ANXA10: variants seen among roughly 807,000 people sequenced by gnomAD.
ANXA10 encodes annexin A10.
In ANXA10, 49 loss-of-function variants were observed where a neutral mutation model predicts 53.5. That is an observed-to-expected ratio of 0.92 (90% CI 0.73 to 1.16). The LOEUF (loss-of-function observed/expected upper bound fraction) is 1.16, where lower values mean the gene tolerates loss of function less well. Ranked by LOEUF, ANXA10 falls within the 50% of genes most tolerant of loss-of-function variation. The pLI is 0.00. For synonymous variants in ANXA10, 131 were observed against 128.9 expected, an observed-to-expected ratio of 1.02 and a Z score of -0.11; for missense variants, 393 against 394.4, an observed-to-expected ratio of 1.00 and a Z score of 0.03.
At chr4:168,146,739 A>AT (rs1158930586) in intron 3 of ANXA10, among the ~76,000 whole-genome samples, 24 of 152,050 alleles carry the variant, frequency 1.6e-4, no homozygotes, top group Admixed American at 1.6e-3. Flanking sequence ...CAGAACCTGC[A>AT]TTTTTCCCCC....
Position 168,181,877 on chromosome 4 carries a change from G to A in ANXA10, c.783+136G>A, listed in dbSNP as rs1578940911. On this transcript the variant is annotated intron_variant, in intron 10 of 11. Coordinates refer to ENST00000359299, the MANE Select transcript of ANXA10 (RefSeq NM_007193.5). The stretch of plus-strand genomic sequence containing the variant: ...GTACAAAGAAAATACACCCAAGTGA[G>A]AAAAACTGGTTTAGACACCAAAAAT... 4.6e-6 allele frequency: 3 copies of A among 657,556 alleles called. No individual in the cohort carries two copies. In the East Asian group the frequency reaches 8.2e-5, roughly 18 times the overall value. 40.7% of individuals were successfully genotyped at this position (657,556 alleles called of 1,614,324 possible). A position where few individuals can be genotyped will look rare whatever the true frequency, so the allele number is the denominator to read the frequency against.
chr4:168,112,548 A>T (rs995681528), intron 1 of ANXA10, among the ~76,000 whole-genome samples: 7 of 152,164 alleles, frequency 4.6e-5, no homozygotes, highest in African/African-American at 1.7e-4. Context: ...GTTTTTTCAT[A>T]ACCAAATTTA....
intron 6 of ANXA10, among the ~76,000 whole-genome samples, chr4:168,171,401 A>C (rs1282623271): frequency 6.6e-6 from 1 of 152,102 alleles, no homozygotes; most frequent in Non-Finnish European, 1.5e-5. Context: ...AATATTCTCC[A>C]ATTCTTTGGT....
intron 6 of ANXA10, among the ~76,000 whole-genome samples, chr4:168,172,335 A>T (rs72691190): frequency 0.018 from 2,774 of 152,354 alleles, 88 homozygotes; most frequent in Admixed American, 0.089. Flanking sequence ...CAAAACAATT[A>T]TCTTTCCAAA....
chr4:168,146,326 T>G (rs1731406345), intron 3 of ANXA10, among the ~76,000 whole-genome samples: 1 of 152,208 alleles, frequency 6.6e-6, no homozygotes, highest in African/African-American at 2.4e-5. Context: ...GTCAGCTGAT[T>G]GACCTGAAAC....
intron 1 of ANXA10, among the ~76,000 whole-genome samples, chr4:168,112,685 A>G (rs959256312): frequency 1.3e-5 from 2 of 152,168 alleles, no homozygotes; most frequent in African/African-American, 2.4e-5. Flanking sequence ...TGGGGTTTCA[A>G]TATAGGCTCC....
At chr4:168,186,445 T>G (rs1177883677) in intron 11 of ANXA10, among the ~76,000 whole-genome samples, 1 of 152,162 alleles carries the variant, frequency 6.6e-6, no homozygotes. Context: ...GGGGTCTTTG[T>G]GAGGTGATTA....
At chr4:168,098,817 A>T (rs1730595046) in intron 1 of ANXA10, among the ~76,000 whole-genome samples, 1 of 152,132 alleles carries the variant, frequency 6.6e-6, no homozygotes, top group Non-Finnish European at 1.5e-5. Context: ...AGACTATTAC[A>T]AGTATCATGT....
intron 3 of ANXA10, among the ~76,000 whole-genome samples, chr4:168,145,233 T>G (rs1228422847): frequency 6.6e-6 from 1 of 152,198 alleles, no homozygotes; most frequent in Non-Finnish European, 1.5e-5. Flanking sequence ...GATGTAGTAT[T>G]GCTTCCCGGC....
In ANXA10 at chr4:168,173,748, C is replaced by T. The variant is rs988236554; in HGVS notation, c.481-3992C>T. The stretch of plus-strand genomic sequence containing the variant: ...ACAAGTCTCAGATAAATCCACAGAC[C>T]GGATTGGGAACCCCTCTTCCCATGT... On this transcript the variant is annotated intron_variant, in intron 6 of 11. Transcript: ENST00000359299. Among the ~76,000 whole-genome samples the T allele has an allele frequency of 5.7e-4, 86 of 152,132 alleles. 2 individuals are homozygous for T. Among genetic ancestry groups the T allele is most frequent in the African/African-American group, 1.2e-4 (5 of 41,420 alleles).
intron 1 of ANXA10, chr4:168,113,093 G>A (rs908670546): frequency 6.6e-6 from 1 of 152,144 alleles, no homozygotes; most frequent in Non-Finnish European, 1.5e-5. Flanking sequence ...TTAGTAATAG[G>A]ACCAATCCCA....
chr4:168,120,136 G>C (rs867779799), intron 1 of ANXA10, among the ~76,000 whole-genome samples: 3 of 152,024 alleles, frequency 2.0e-5, no homozygotes, highest in Non-Finnish European at 4.4e-5. Context: ...TTATAAGTTT[G>C]GTGACTTAAT....
chr4:168,121,947 A>G (rs934863628), intron 1 of ANXA10, among the ~76,000 whole-genome samples: 2 of 151,974 alleles, frequency 1.3e-5, no homozygotes, highest in Non-Finnish European at 2.9e-5. Flanking sequence ...GGGTTCAAGC[A>G]ATTCTCTGTC....
intron 1 of ANXA10, among the ~76,000 whole-genome samples, chr4:168,125,256 G>A (rs1015306329): frequency 6.6e-6 from 1 of 152,012 alleles, no homozygotes; most frequent in South Asian, 2.1e-4. Context: ...CCTCATGAAC[G>A]GAAATCCTAA....
intron 6 of ANXA10, among the ~76,000 whole-genome samples, chr4:168,174,675 G>A (rs961572030): frequency 1.3e-5 from 2 of 152,208 alleles, no homozygotes; most frequent in Non-Finnish European, 2.9e-5. Flanking sequence ...TTTGAAGGCA[G>A]TGTCTATATT....
chr4:168,140,971 T>A (rs1207280880), intron 3 of ANXA10, among the ~76,000 whole-genome samples: 1 of 152,192 alleles, frequency 6.6e-6, no homozygotes, highest in African/African-American at 2.4e-5. Flanking sequence ...TTTACATACA[T>A]TTTTGCTTTT....
At chr4:168,095,160 T>G (rs1005306147) in intron 1 of ANXA10, among the ~76,000 whole-genome samples, 3 of 152,060 alleles carry the variant, frequency 2.0e-5, no homozygotes, top group African/African-American at 7.2e-5. Context: ...ATTCTTTTTA[T>G]TAATATATAA....
chr4:168,155,963 ATTATATTATATGATATATCAT>A (rs1375461281), intron 3 of ANXA10, among the ~76,000 whole-genome samples: 1 of 65,068 alleles, frequency 1.5e-5, no homozygotes, highest in East Asian at 4.3e-4. Context: ...TATATCATAT[ATTATATTATATGATATATCAT>A]ATATTATACA....
chr4:168,160,453 G>A (rs1179570678), intron 3 of ANXA10, among the ~76,000 whole-genome samples: 2 of 152,002 alleles, frequency 1.3e-5, no homozygotes, highest in Non-Finnish European at 2.9e-5. Context: ...TCTTTATCCA[G>A]TCTATCATTG....
Sources: allele counts gnomAD v4.1 joint callset (sites outside exome capture counted in the v4.1 genomes callset), GRCh38; gene constraint gnomAD v4.1.1; transcripts MANE v1.5; gene names NCBI Gene and HGNC (gene_info 2026-07-23, HGNC 2026-07-21).